Variants in AK5 observed in about 807,000 individuals in gnomAD.
The protein encoded by AK5 is adenylate kinase 5.
A neutral mutation model predicts 69.5 loss-of-function variants in AK5; 27 were observed. That is an observed-to-expected ratio of 0.39 (90% confidence interval 0.29 to 0.54). The LOEUF (loss-of-function observed/expected upper bound fraction) is 0.54. Among genes scored for constraint, AK5 ranks in the 20% least tolerant of loss-of-function variants. AK5 has a pLI of 0.71. For synonymous variants in AK5, 260 were observed against 244.4 expected, an observed-to-expected ratio of 1.06 and a Z score of -0.60; for missense variants, 531 against 700.4, an observed-to-expected ratio of 0.76 and a Z score of 2.73.
intron 1 of AK5, among the ~76,000 whole-genome samples, chr1:77,285,812 A>C (rs1471645408): frequency 6.6e-6 from 1 of 152,130 alleles, no homozygotes; most frequent in Non-Finnish European, 1.5e-5. Context: ...CTCAGACCTA[A>C]ATTTTTTTGA....
chr1:77,545,795 G>C (rs908493911), intron 13 of AK5, among the ~76,000 whole-genome samples: 2 of 152,116 alleles, frequency 1.3e-5, no homozygotes, highest in Admixed American at 6.5e-5. Flanking sequence ...CATTTCATCT[G>C]GGCCTGCCTT....
At chr1:77,499,509 A>G (rs556203019) in intron 10 of AK5, among the ~76,000 whole-genome samples, 6 of 152,268 alleles carry the variant, frequency 3.9e-5, no homozygotes, top group Admixed American at 3.9e-4. Flanking sequence ...TGTAAAGTGC[A>G]TTGAACCTAT....
chr1:77,459,272 A>G (rs187243729), intron 8 of AK5, among the ~76,000 whole-genome samples: 1 of 152,330 alleles, frequency 6.6e-6, no homozygotes, highest in African/African-American at 2.4e-5. Flanking sequence ...CAAACTCCTT[A>G]CATGGATTAT....
intron 10 of AK5, among the ~76,000 whole-genome samples, chr1:77,507,610 CA>C: frequency 6.6e-6 from 1 of 152,196 alleles, no homozygotes; most frequent in African/African-American, 2.4e-5. Context: ...AAATTCCTCT[CA>C]TCTGCAAGAG....
At chr1:77,512,242 T>A (rs114004253) in intron 10 of AK5, among the ~76,000 whole-genome samples, 220 of 151,738 alleles carry the variant, frequency 1.4e-3, no homozygotes, top group Non-Finnish European at 2.6e-3. Context: ...TGTGTGTGTG[T>A]GAGAGAGAGA....
chr1:77,384,712 A>C (rs910146130), intron 6 of AK5, among the ~76,000 whole-genome samples: 7 of 152,214 alleles, frequency 4.6e-5, no homozygotes, highest in Admixed American at 4.6e-4. Flanking sequence ...TCATAACAGA[A>C]ACTAGAAATA....
At chr1:77,409,502 T>C (rs966043297) in intron 6 of AK5, among the ~76,000 whole-genome samples, 1 of 152,212 alleles carries the variant, frequency 6.6e-6, no homozygotes, top group Non-Finnish European at 1.5e-5. Context: ...TATTGAGCTT[T>C]TTTTTCATAT....
chr1:77,340,650 C>A, intron 6 of AK5, 82 bp downstream of exon 6: 1 of 1,331,272 alleles, frequency 7.5e-7, no homozygotes, highest in South Asian at 1.5e-5. Context: ...ATGTAGAAAT[C>A]CTCTTTACCT....
chr1:77,439,789 C>CATGTAT (rs1652203052), intron 8 of AK5, among the ~76,000 whole-genome samples: 1 of 151,196 alleles, frequency 6.6e-6, no homozygotes, highest in Non-Finnish European at 1.5e-5. Context: ...TGTATGTATA[C>CATGTAT]ATGTATATGT....
intron 1 of AK5, among the ~76,000 whole-genome samples, chr1:77,284,127 A>G (rs1658217497): frequency 6.6e-6 from 1 of 152,194 alleles, no homozygotes; most frequent in Admixed American, 6.5e-5. Context: ...TGGGTGAAAT[A>G]CAGTAATGGA....
chr1:77,427,858 C>G (rs772746274), intron 8 of AK5, among the ~76,000 whole-genome samples: 2 of 152,146 alleles, frequency 1.3e-5, no homozygotes, highest in Non-Finnish European at 2.9e-5. Flanking sequence ...GAAGCCCAAG[C>G]TAATGCAATA....
intron 5 of AK5, chr1:77,313,920 T>C (rs41292260): frequency 0.046 from 23,827 of 517,322 alleles, 732 homozygotes; most frequent in South Asian, 0.056. Context: ...AAAGCAGAAG[T>C]CTTTGCCTCT....
intron 6 of AK5, among the ~76,000 whole-genome samples, chr1:77,403,800 G>A (rs1649417033): frequency 6.6e-6 from 1 of 152,154 alleles, no homozygotes; most frequent in Admixed American, 6.5e-5. Context: ...GATTCCATAT[G>A]AACTTTAAAG....
intron 3 of AK5, among the ~76,000 whole-genome samples, chr1:77,295,277 C>T (rs17100224): frequency 0.018 from 2,782 of 152,226 alleles, 86 homozygotes; most frequent in African/African-American, 0.063. Context: ...GCAATGTTGA[C>T]AACTAGGACA....
intron 8 of AK5, among the ~76,000 whole-genome samples, chr1:77,438,604 G>T (rs929098595): frequency 1.3e-5 from 2 of 152,064 alleles, no homozygotes; most frequent in Non-Finnish European, 2.9e-5. Context: ...TCAAAAGCAA[G>T]CAAGAAGAGA....
rs1002942328 is a variant in AK5 at position 77,412,929 on chromosome 1, C to T, written c.982+1858C>T. 3.9e-5 allele frequency among the ~76,000 whole-genome samples: 6 copies of T among 152,156 alleles called. No homozygotes were observed. In the South Asian group the frequency reaches 8.3e-4, roughly 21 times the overall value. ...GTCCAAACCTTTGTCTTTATTCCCA[C>T]TGCAGTCACCAAACGCTTTGTCATT... On this transcript the variant is annotated intron_variant, in intron 7 of 13. Transcript: ENST00000354567.
chr1:77,423,219 T>TCAAAA (rs1650958721), intron 8 of AK5, among the ~76,000 whole-genome samples: 1 of 88,716 alleles, frequency 1.1e-5, no homozygotes, highest in Non-Finnish European at 2.2e-5. Flanking sequence ...AGACTCCGTC[T>TCAAAA]AAAAAAAAAA....
chr1:77,558,597 T>C lies in AK5; in HGVS notation c.1621-5T>C. ...CTAACTCTCTTTTTTTCCTTTTAAA[T>C]ATAGATAAATGCAGAGGGAACACCA... is the stretch of plus-strand genomic sequence containing the variant. On this transcript the variant is annotated splice_polypyrimidine_tract_variant and splice_region_variant and intron_variant, in intron 13 of 13. Coordinates refer to ENST00000354567, the MANE Select transcript of AK5 (RefSeq NM_174858.3). The C allele has an allele frequency of 2.6e-6, 4 of 1,545,942 alleles. No homozygotes were observed. Among genetic ancestry groups the C allele is most frequent in the Non-Finnish European group, 3.6e-6 (4 of 1,119,098 alleles).
At position 77,426,305 on chromosome 1, in the gene AK5, T is replaced by G. The variant is rs1466867991; in HGVS notation, c.1059+8590T>G. Among the ~76,000 whole-genome samples, 5 of 152,130 alleles carry G rather than the reference T, an allele frequency of 3.3e-5. No homozygotes were observed. The East Asian group carries it at 9.6e-4, about 29-fold the overall frequency. ...AGAGAAAGCTCTACCACGCTAACGC[T>G]AATCAAAAGAAAGCAGGAGTTGCTA... On this transcript the variant is annotated intron_variant, in intron 8 of 13. Coordinates refer to ENST00000354567, the MANE Select transcript of AK5 (RefSeq NM_174858.3).
Sources: gnomAD v4.1 joint callset for allele counts (sites outside exome capture counted in the v4.1 genomes callset) on GRCh38, gnomAD v4.1.1 for gene constraint, MANE v1.5 for transcripts, NCBI Gene and HGNC (gene_info 2026-07-23, HGNC 2026-07-21) for gene names.